The following KCNMB4 variants were observed in gnomAD, a reference collection of about 807,000 sequenced individuals.
KCNMB4 encodes the protein potassium calcium-activated channel subfamily M regulatory beta subunit 4, also known as calcium-activated potassium channel subunit beta-4.
Under a neutral mutation model 20.7 loss-of-function variants are expected in KCNMB4, and 3 were observed. The observed-to-expected ratio is 0.14, with a 90% CI of 0.07 to 0.37. The LOEUF (loss-of-function observed/expected upper bound fraction) is 0.37. KCNMB4 is among the 10% of genes least tolerant of loss of function. The pLI, the probability that KCNMB4 is intolerant of heterozygous loss-of-function variation, is 1.00. For synonymous variants in KCNMB4, 110 were observed against 113.4 expected (o/e 0.97, Z 0.19); for missense variants, 168 against 265.9 (o/e 0.63, Z 2.56).
At chr12:70,424,564 A>G (rs987827438) in intron 2 of KCNMB4, among the ~76,000 whole-genome samples, 3 of 152,196 alleles carry the variant, frequency 2.0e-5, no homozygotes, top group Admixed American at 1.3e-4. Context: ...AGCCTGGCCA[A>G]CGTGACAAAA....
At chr12:70,377,677 C>T (rs372487929) in intron 1 of KCNMB4, among the ~76,000 whole-genome samples, 2 of 152,192 alleles carry the variant, frequency 1.3e-5, no homozygotes, top group Non-Finnish European at 2.9e-5. Context: ...ATTTTACTTA[C>T]AGTAGAACTC....
chr12:70,382,077 A>T (rs1237885116), intron 1 of KCNMB4, among the ~76,000 whole-genome samples: 1 of 152,236 alleles, frequency 6.6e-6, no homozygotes, highest in African/African-American at 2.4e-5. Context: ...AGGAATCATC[A>T]AAATGTTATT....
At chr12:70,371,273 C>T (rs1410220590) in intron 1 of KCNMB4, among the ~76,000 whole-genome samples, 1 of 152,086 alleles carries the variant, frequency 6.6e-6, no homozygotes, top group African/African-American at 2.4e-5. Context: ...GAGAGAAATG[C>T]ATTAAGGAGA....
intron 2 of KCNMB4, among the ~76,000 whole-genome samples, chr12:70,414,325 C>T (rs1034735802): frequency 2.0e-5 from 3 of 152,146 alleles, no homozygotes; most frequent in African/African-American, 7.2e-5. Context: ...TACTTTACCA[C>T]AATTTTTAAA....
chr12:70,421,519 A>G (rs896060570), intron 2 of KCNMB4, among the ~76,000 whole-genome samples: 2 of 144,892 alleles, frequency 1.4e-5, no homozygotes, highest in African/African-American at 5.0e-5. Context: ...CCCTCATTTG[A>G]TCTTCTTAAT....
intron 2 of KCNMB4, among the ~76,000 whole-genome samples, chr12:70,418,672 A>G (rs1288520349): frequency 6.6e-6 from 1 of 152,120 alleles, no homozygotes; most frequent in Non-Finnish European, 1.5e-5. Flanking sequence ...CATGAGGAAA[A>G]TGTTTCTTGA....
At chr12:70,403,059 C>A (rs1032636413) in intron 2 of KCNMB4, among the ~76,000 whole-genome samples, 29 of 152,136 alleles carry the variant, frequency 1.9e-4, no homozygotes, top group Non-Finnish European at 1.2e-4. Context: ...TCTCTTAAGT[C>A]ACTTGGAGAC....
rs112563013 is a variant in KCNMB4 at position 70,422,075 on chromosome 12, G to A, written c.465-8410G>A. On this transcript the variant is annotated intron_variant, in intron 2 of 2. Transcript: ENST00000258111. ...AATCAATAATTCATCTCTCCCATAC[G>A]AATTTAAACTATTGAACTTTCACAT... Among the ~76,000 whole-genome samples the A allele has an allele frequency of 2.0e-3, 303 of 152,116 alleles. 1 individual carries two copies. Among genetic ancestry groups the A allele is most frequent in the African/African-American group, 6.9e-3 (286 of 41,492 alleles).
At chr12:70,412,294 C>T (rs1868800911) in intron 2 of KCNMB4, among the ~76,000 whole-genome samples, 1 of 152,254 alleles carries the variant, frequency 6.6e-6, no homozygotes, top group South Asian at 2.1e-4. Flanking sequence ...CATCATGCAG[C>T]TTTGAGGTGA....
chr12:70,386,475 A>G (rs1454233216), intron 1 of KCNMB4, among the ~76,000 whole-genome samples: 1 of 152,134 alleles, frequency 6.6e-6, no homozygotes, highest in African/African-American at 2.4e-5. Context: ...AGATAGGCAA[A>G]GATCATGGAT....
At chr12:70,408,572 G>A (rs949214157) in intron 2 of KCNMB4, among the ~76,000 whole-genome samples, 2 of 152,034 alleles carry the variant, frequency 1.3e-5, no homozygotes, top group Admixed American at 6.5e-5. Flanking sequence ...AAGCAGCCCC[G>A]AAGCAGCTGT....
intron 2 of KCNMB4, among the ~76,000 whole-genome samples, chr12:70,401,362 C>G (rs1051212359): frequency 6.8e-6 from 1 of 147,852 alleles, no homozygotes; most frequent in Admixed American, 6.6e-5. Flanking sequence ...TGACTCTTCT[C>G]TGCCTCCCCA....
At chr12:70,405,609 G>A (rs1868578091) in intron 2 of KCNMB4, among the ~76,000 whole-genome samples, 2 of 152,168 alleles carry the variant, frequency 1.3e-5, no homozygotes, top group African/African-American at 2.4e-5. Context: ...TAGAACTACT[G>A]TATGATCCAG....
intron 2 of KCNMB4, among the ~76,000 whole-genome samples, chr12:70,418,219 A>G (rs1319812744): frequency 6.6e-6 from 1 of 152,132 alleles, no homozygotes; most frequent in Non-Finnish European, 1.5e-5. Flanking sequence ...GCTCATATGC[A>G]TATTTTGGGT....
At chr12:70,370,746 T>G (rs1322972553) in intron 1 of KCNMB4, among the ~76,000 whole-genome samples, 1 of 149,258 alleles carries the variant, frequency 6.7e-6, no homozygotes, top group Non-Finnish European at 1.5e-5. Flanking sequence ...CATTTGCATT[T>G]GCATAATTAT....
intron 2 of KCNMB4, among the ~76,000 whole-genome samples, chr12:70,409,976 T>C (rs1272038491): frequency 6.6e-6 from 1 of 152,196 alleles, no homozygotes; most frequent in Non-Finnish European, 1.5e-5. Flanking sequence ...TTTACATATT[T>C]TAACTTTTAT....
rs774714355 is a variant in KCNMB4, at chr12:70,400,305, C to A, written c.433C>A (p.Pro145Thr). The A allele has an allele frequency of 6.2e-7, 1 of 1,605,214 alleles. No individual in the cohort carries two copies. The highest frequency in any genetic ancestry group is 1.1e-5 in the South Asian group (1 of 88,464). The stretch of plus-strand genomic sequence containing the variant: ...CTGGAAAGATGAGATTGGTTCCCAG[C>A]CATTTACTTGCTATTTTAATCAACA... ...QYWKDEIGSQ[P>T]FTCYFNQHQR... Residue 145 changes from proline (P) to threonine (T), a missense_variant, in exon 2 of 3, where the codon CCA becomes ACA. By Grantham distance (38) the Pro-to-Thr change is conservative. Transcript: ENST00000258111.
At chr12:70,379,661 C>A (rs1883749912) in intron 1 of KCNMB4, among the ~76,000 whole-genome samples, 1 of 152,202 alleles carries the variant, frequency 6.6e-6, no homozygotes, top group South Asian at 2.1e-4. Context: ...GATCTGCCTT[C>A]TTCTCCCTTC....
At chr12:70,407,669 G>A (rs787935) in intron 2 of KCNMB4, among the ~76,000 whole-genome samples, 14,639 of 151,044 alleles carry the variant, frequency 0.097, 1,106 homozygotes, top group East Asian at 0.33. Flanking sequence ...GGGTTTCACC[G>A]TGTTAGCCAG....
Sources: gnomAD v4.1 joint callset for allele counts (sites outside exome capture counted in the v4.1 genomes callset) on GRCh38, gnomAD v4.1.1 for gene constraint, MANE v1.5 for transcripts, NCBI Gene and HGNC (gene_info 2026-07-23, HGNC 2026-07-21) for gene names.